The following DLG2 variants were observed in gnomAD, a reference collection of about 807,000 sequenced individuals.
The protein encoded by DLG2 is disks large homolog 2.
DLG2 carries 45 observed loss-of-function variants against 132.5 expected under a neutral mutation model. The observed-to-expected ratio is 0.34, with a 90% CI of 0.27 to 0.44. The LOEUF (loss-of-function observed/expected upper bound fraction) is 0.44. DLG2 is among the 20% of genes least tolerant of loss of function. The pLI is 1.00. For missense variants in DLG2, 1,045 were observed against 1,196.9 expected (o/e 0.87, Z 1.87); for synonymous variants, 424 against 419.6 (o/e 1.01, Z -0.13).
intron 7 of DLG2, among the ~76,000 whole-genome samples, chr11:84,325,151 T>G (rs1196640566): frequency 1.3e-5 from 2 of 152,286 alleles, no homozygotes; most frequent in East Asian, 3.9e-4. Context: ...TTAGGACTTT[T>G]CATATCTGAT....
At chr11:83,852,183 T>G (rs1215531772) in intron 16 of DLG2, among the ~76,000 whole-genome samples, 1 of 152,182 alleles carries the variant, frequency 6.6e-6, no homozygotes, top group Non-Finnish European at 1.5e-5. Context: ...AACACTCAGT[T>G]TGAGTAGCTT....
intron 6 of DLG2, among the ~76,000 whole-genome samples, chr11:84,832,261 T>C (rs1827489939): frequency 1.3e-5 from 2 of 151,676 alleles, no homozygotes; most frequent in African/African-American, 4.8e-5. Flanking sequence ...TCAGCACTAA[T>C]CTAATATCAA....
At chr11:85,103,047 G>C (rs2071131074) in intron 6 of DLG2, among the ~76,000 whole-genome samples, 1 of 151,802 alleles carries the variant, frequency 6.6e-6, no homozygotes, top group African/African-American at 2.4e-5. Flanking sequence ...AAATATTTTG[G>C]AATAAATTTA....
At chr11:84,629,140 C>A (rs1316910987) in intron 6 of DLG2, among the ~76,000 whole-genome samples, 1 of 152,142 alleles carries the variant, frequency 6.6e-6, no homozygotes, top group Non-Finnish European at 1.5e-5. Context: ...TTGTCTCAAT[C>A]TCCTAATCTC....
chr11:84,518,358 T>C (rs1369042882), intron 7 of DLG2, among the ~76,000 whole-genome samples: 1 of 151,620 alleles, frequency 6.6e-6, no homozygotes, highest in Non-Finnish European at 1.5e-5. Flanking sequence ...AAGAAGAAAA[T>C]ACATAGAAAA....
At position 83,888,001 on chromosome 11, in the gene DLG2, T is replaced by A. The variant is rs548380588; in HGVS notation, c.1497-13513A>T. ...AACCCACAGCCAATATCATACTGAA[T>A]GGGCAAAAACTGGAAGCATTCCCTT... On this transcript the variant is annotated intron_variant, in intron 15 of 27. Transcript: ENST00000376104. Among the ~76,000 whole-genome samples the A allele has an allele frequency of 2.4e-3, 331 of 140,640 alleles. 12 individuals are homozygous for A. The highest frequency in any genetic ancestry group is 8.6e-3 in the African/African-American group (319 of 37,142). 92.3% of individuals were successfully genotyped at this position (140,640 alleles called of 152,430 possible). A position where few individuals can be genotyped will look rare whatever the true frequency, so the allele number is the denominator to read the frequency against.
chr11:84,683,413 G>A (rs970867256), intron 6 of DLG2, among the ~76,000 whole-genome samples: 2 of 152,284 alleles, frequency 1.3e-5, no homozygotes, highest in South Asian at 4.1e-4. Flanking sequence ...CACTGCTTTA[G>A]AAATAAGCAT....
Position 83,990,400 on chromosome 11 carries a change from T to G in DLG2, c.920-9758A>C, listed in dbSNP as rs150170490. 7.8e-3 allele frequency among the ~76,000 whole-genome samples: 1,180 copies of G among 152,256 alleles called. 6 individuals are homozygous for G. Among genetic ancestry groups the G allele is most frequent in the Middle Eastern group, 0.027 (8 of 292 alleles). On this transcript the variant is annotated intron_variant, in intron 11 of 27. Coordinates refer to ENST00000376104, the MANE Select transcript of DLG2 (RefSeq NM_001142699.3). ...GCATAAGCACAGGGAAGTCTGAACCTGATTAAAGCCTTTAACTGAAAGTTT... is the reference window on the plus strand; with the variant it reads ...GCATAAGCACAGGGAAGTCTGAACCGGATTAAAGCCTTTAACTGAAAGTTT...
intron 6 of DLG2, among the ~76,000 whole-genome samples, chr11:84,593,649 G>C (rs1239732491): frequency 2.0e-5 from 3 of 152,140 alleles, no homozygotes; most frequent in African/African-American, 7.2e-5. Flanking sequence ...GCCTGTCAGG[G>C]GTTGGGAGGC....
chr11:85,126,629 CT>C, intron 5 of DLG2, among the ~76,000 whole-genome samples: 1 of 152,168 alleles, frequency 6.6e-6, no homozygotes, highest in Middle Eastern at 3.4e-3. Context: ...ATCAAGCCCC[CT>C]GTTCCAATCT....
chr11:84,208,457 C>T (rs1315779348), intron 8 of DLG2, among the ~76,000 whole-genome samples: 2 of 151,220 alleles, frequency 1.3e-5, no homozygotes, highest in East Asian at 3.9e-4. Flanking sequence ...GATTCTCCTG[C>T]CTCAGCCTCC....
rs192205335 is a variant in DLG2 at position 83,549,004 on chromosome 11, T to C, written c.1941-7146A>G. On this transcript the variant is annotated intron_variant, in intron 19 of 27. Coordinates refer to ENST00000376104, the MANE Select transcript of DLG2 (RefSeq NM_001142699.3). ...ACAAGTGAATCAGCAAATTACTCCC[T>C]TCTGTGCTGTGAACTTGTTTGGTCT... Among the ~76,000 whole-genome samples the C allele has an allele frequency of 2.1e-3, 320 of 152,246 alleles. 1 individual carries two copies. The highest frequency in any genetic ancestry group is 7.2e-3 in the African/African-American group (299 of 41,560).
At chr11:85,105,173 T>C (rs1460119717) in intron 6 of DLG2, among the ~76,000 whole-genome samples, 2 of 151,984 alleles carry the variant, frequency 1.3e-5, no homozygotes, top group African/African-American at 4.8e-5. Flanking sequence ...TTCTGTTTTA[T>C]TTCCTGTGTA....
chr11:84,474,168 ACT>A (rs1162060189), intron 7 of DLG2, among the ~76,000 whole-genome samples: 1 of 151,894 alleles, frequency 6.6e-6, no homozygotes, highest in African/African-American at 2.4e-5. Flanking sequence ...ATCTCCTCTG[ACT>A]CTGAATATCC....
intron 7 of DLG2, among the ~76,000 whole-genome samples, chr11:84,463,864 C>T (rs933205110): frequency 6.6e-6 from 1 of 151,086 alleles, no homozygotes; most frequent in African/African-American, 2.4e-5. Flanking sequence ...CTTGATCGAC[C>T]TATTATACTC....
intron 6 of DLG2, among the ~76,000 whole-genome samples, chr11:84,939,729 CCATG>C (rs1205614424): frequency 2.0e-5 from 3 of 152,164 alleles, no homozygotes; most frequent in Non-Finnish European, 4.4e-5. Flanking sequence ...CCAGTTCTAT[CCATG>C]GTATTGCAAA....
At chr11:84,433,211 T>C (rs1349606128) in intron 7 of DLG2, among the ~76,000 whole-genome samples, 1 of 152,154 alleles carries the variant, frequency 6.6e-6, no homozygotes, top group South Asian at 2.1e-4. Flanking sequence ...ACTAAAAAGA[T>C]AAATATAAAA....
At chr11:83,621,254 C>G (rs1038586671) in intron 19 of DLG2, among the ~76,000 whole-genome samples, 8 of 152,078 alleles carry the variant, frequency 5.3e-5, no homozygotes, top group Non-Finnish European at 2.9e-5. Flanking sequence ...AATTCCCTAT[C>G]AACGCCATGA....
intron 8 of DLG2, among the ~76,000 whole-genome samples, chr11:84,201,728 A>C (rs1484018176): frequency 6.7e-6 from 1 of 148,514 alleles, no homozygotes; most frequent in African/African-American, 2.5e-5. Context: ...TAGATTTTCT[A>C]GTTTATGTGC....
Sources: gnomAD v4.1 joint callset for allele counts (sites outside exome capture counted in the v4.1 genomes callset) on GRCh38, gnomAD v4.1.1 for gene constraint, MANE v1.5 for transcripts, NCBI Gene and HGNC (gene_info 2026-07-23, HGNC 2026-07-21) for gene names.